The following SASH1 variants were observed in gnomAD, a reference collection of about 807,000 sequenced individuals.
The protein encoded by SASH1 is SAM and SH3 domain containing 1, also known as SAM and SH3 domain-containing protein 1.
In SASH1, 44 loss-of-function variants were observed where a neutral mutation model predicts 125.2. The observed-to-expected ratio is 0.35, with a 90% CI of 0.28 to 0.45. The LOEUF (loss-of-function observed/expected upper bound fraction) is 0.45, where lower values mean the gene tolerates loss of function less well. Among genes scored for constraint, SASH1 ranks in the 20% least tolerant of loss-of-function variants. The probability of loss-of-function intolerance (pLI) is 1.00; values close to 1 mark genes in which losing one functional copy is unlikely to be tolerated. For synonymous variants in SASH1, 639 were observed against 649.1 expected, an observed-to-expected ratio of 0.98 and a Z score of 0.24; for missense variants, 1,426 against 1,614.5, an observed-to-expected ratio of 0.88 and a Z score of 2.00.
rs375912543 is a variant in SASH1 at position 148,529,189 on chromosome 6, A to G, written c.1428+1593A>G. On this transcript the variant is annotated intron_variant, in intron 12 of 19. Transcript: ENST00000367467. This position sits in a 1 kb window ranked among gnomAD's most constrained non-coding sequence, Gnocchi z 4.2. ...CGGCCCACTTCTTAACAGGCCACAG[A>G]CGGGTTCTGGTCCGTGGCCCGGGAG... 6.6e-6 allele frequency among the ~76,000 whole-genome samples: 1 copy of G among 152,282 alleles called. No individual in the cohort carries two copies. Among genetic ancestry groups the G allele is most frequent in the South Asian group, 2.1e-4 (1 of 4,824 alleles).
chr6:148,463,576 C>A (rs372830756), intron 4 of SASH1, among the ~76,000 whole-genome samples: 48 of 152,280 alleles, frequency 3.2e-4, no homozygotes, highest in African/African-American at 1.1e-3. Context: ...CTCTTTATGA[C>A]CACTAAAAAT....
intron 1 of SASH1, among the ~76,000 whole-genome samples, chr6:148,308,052 T>A (rs6918789): frequency 0.26 from 40,153 of 151,864 alleles, 5,503 homozygotes; most frequent in South Asian, 0.34. Context: ...AACCAGCCAC[T>A]GTGTCCTCAC....
At chr6:148,380,679 A>G (rs1783093984) in intron 1 of SASH1, among the ~76,000 whole-genome samples, 1 of 152,170 alleles carries the variant, frequency 6.6e-6, no homozygotes, top group Non-Finnish European at 1.5e-5. Flanking sequence ...CCAATGATCA[A>G]TGTTCCCATT....
intron 1 of SASH1, among the ~76,000 whole-genome samples, chr6:148,374,704 TGG>T (rs369754560): frequency 8.0e-5 from 10 of 125,670 alleles, no homozygotes; most frequent in African/African-American, 2.4e-4. Flanking sequence ...GCATTTTTTT[TGG>T]GGGGGGGGGA....
intron 8 of SASH1, among the ~76,000 whole-genome samples, chr6:148,499,891 C>T (rs557508384): frequency 6.6e-6 from 1 of 152,172 alleles, no homozygotes; most frequent in South Asian, 2.1e-4. Context: ...CTTATTTCTG[C>T]AAACTTTAAA....
At chr6:148,428,629 C>CAA (rs369165377) in intron 2 of SASH1, among the ~76,000 whole-genome samples, 5 of 81,818 alleles carry the variant, frequency 6.1e-5, no homozygotes, top group African/African-American at 1.4e-4. Context: ...AACTTTATCT[C>CAA]AAAAAAAAAA....
intron 1 of SASH1, among the ~76,000 whole-genome samples, chr6:148,328,907 G>A (rs1238186692): frequency 6.6e-6 from 1 of 152,096 alleles, no homozygotes; most frequent in Non-Finnish European, 1.5e-5. Flanking sequence ...TGCTGCTGCT[G>A]AAGAATTCTT....
the SASH1 span, among the ~76,000 whole-genome samples, chr6:148,204,736 A>T: frequency 6.6e-6 from 1 of 152,108 alleles, no homozygotes; most frequent in South Asian, 2.1e-4. Flanking sequence ...TGCTGATTCT[A>T]CACATCACTA....
Position 148,363,890 on chromosome 6 carries a change from A to T in SASH1, c.156+20667A>T, listed in dbSNP as rs980063834. Among the ~76,000 whole-genome samples the T allele has an allele frequency of 2.0e-5, 3 of 152,112 alleles. No individual in the cohort carries two copies. In the South Asian group the frequency reaches 6.2e-4, roughly 32 times the overall value. ...GGAGAAAATGGAAACCACTTATAGG[A>T]TATTTTATTCCCTGTGGATTCTATA... On this transcript the variant is annotated intron_variant, in intron 1 of 19. Coordinates refer to ENST00000367467, the MANE Select transcript of SASH1 (RefSeq NM_015278.5).
chr6:148,445,270 G>A (rs1453431665), intron 4 of SASH1, among the ~76,000 whole-genome samples: 2 of 152,156 alleles, frequency 1.3e-5, no homozygotes, highest in Non-Finnish European at 2.9e-5. Context: ...TGGGAATGCA[G>A]CCCAGCAGGT....
intron 4 of SASH1, among the ~76,000 whole-genome samples, chr6:148,462,182 G>A (rs1777643224): frequency 6.6e-6 from 1 of 152,104 alleles, no homozygotes; most frequent in South Asian, 2.1e-4. Flanking sequence ...GATTTCCTGA[G>A]ACTCAAGATT....
chr6:148,506,679 C>A (rs1023966984), intron 8 of SASH1, among the ~76,000 whole-genome samples: 3 of 152,174 alleles, frequency 2.0e-5, no homozygotes, highest in Admixed American at 1.3e-4. Context: ...TTTTTCTAAC[C>A]CCTGAGACCT....
chr6:148,450,977 C>CA (rs1777073822), intron 4 of SASH1, among the ~76,000 whole-genome samples: 2 of 152,198 alleles, frequency 1.3e-5, no homozygotes, highest in Admixed American at 1.3e-4. Flanking sequence ...ACTTAGCCAT[C>CA]AAGAGCATAG....
At chr6:148,384,138 C>T (rs1339490571) in intron 1 of SASH1, among the ~76,000 whole-genome samples, 1 of 152,160 alleles carries the variant, frequency 6.6e-6, no homozygotes, top group East Asian at 1.9e-4. Flanking sequence ...CTGCATGTAT[C>T]TCTTTTCCTG....
At chr6:148,249,357 A>T in the SASH1 span, among the ~76,000 whole-genome samples, 1 of 147,240 alleles carries the variant, frequency 6.8e-6, no homozygotes, top group East Asian at 2.0e-4. Flanking sequence ...CATGCATCAC[A>T]CACACATGCG....
intron 8 of SASH1, among the ~76,000 whole-genome samples, chr6:148,492,967 G>A (rs754357374): frequency 7.9e-5 from 12 of 152,122 alleles, no homozygotes; most frequent in Non-Finnish European, 1.2e-4. Flanking sequence ...TAGATGGCCC[G>A]CAAATAAATT....
chr6:148,342,904 C>T lies in SASH1; in HGVS notation c.-164C>T. On this transcript the variant is annotated 5_prime_UTR_variant, in exon 1 of 20. Transcript: ENST00000367467. Reference sequence around the variant, plus strand: ...CCTAGACCCGAGGTGCGGGCGCCTGCGAAGGGCCCCCGCGGGGTGGCCGGG... The same window carrying T: ...CCTAGACCCGAGGTGCGGGCGCCTGTGAAGGGCCCCCGCGGGGTGGCCGGG... The T allele has an allele frequency of 1.9e-6, 1 of 516,334 alleles. No individual in the cohort carries two copies. The highest frequency in any genetic ancestry group is 2.5e-6 in the Non-Finnish European group (1 of 401,078). The allele number at this position is 516,334 out of a possible 1,614,324, so 32.0% of individuals were successfully genotyped here. A position where few individuals can be genotyped will look rare whatever the true frequency, so the allele number is the denominator to read the frequency against.
intron 8 of SASH1, among the ~76,000 whole-genome samples, chr6:148,504,280 G>C (rs1018395779): frequency 2.0e-5 from 3 of 152,152 alleles, no homozygotes; most frequent in Non-Finnish European, 4.4e-5. Flanking sequence ...CAAGGAAGCA[G>C]GGGGTGAGAC....
chr6:148,399,374 C>T (rs1051361944), intron 2 of SASH1, among the ~76,000 whole-genome samples: 7 of 151,810 alleles, frequency 4.6e-5, no homozygotes, highest in African/African-American at 1.5e-4. Flanking sequence ...TGCAGGTGCC[C>T]GCCACCACAC....
Sources: allele counts gnomAD v4.1 joint callset (sites outside exome capture counted in the v4.1 genomes callset), GRCh38; gene constraint gnomAD v4.1.1; non-coding constraint Gnocchi (gnomAD v3.1); transcripts MANE v1.5; gene names NCBI Gene and HGNC (gene_info 2026-07-23, HGNC 2026-07-21).